The following JAK1 variants were observed in gnomAD, a reference collection of about 807,000 sequenced individuals.
JAK1 encodes the protein tyrosine-protein kinase JAK1.
In JAK1, 16 loss-of-function variants were observed where a neutral mutation model predicts 136.6. The observed-to-expected ratio is 0.12, with a 90% confidence interval of 0.08 to 0.18. The LOEUF is 0.18. JAK1 is among the 10% of genes least tolerant of loss of function. The probability of loss-of-function intolerance (pLI) is 1.00; values close to 1 mark genes in which losing one functional copy is unlikely to be tolerated. For synonymous variants in JAK1, 492 were observed against 519.5 expected, an observed-to-expected ratio of 0.95 and a Z score of 0.72; for missense variants, 859 against 1,450.1, an observed-to-expected ratio of 0.59 and a Z score of 6.62.
intron 1 of JAK1, among the ~76,000 whole-genome samples, chr1:65,055,344 T>C (rs1284323907): frequency 6.6e-6 from 1 of 152,234 alleles, no homozygotes; most frequent in Admixed American, 6.5e-5. Context: ...TCCTTCCTTT[T>C]AAGGCTGAAT....
intron 11 of JAK1, among the ~76,000 whole-genome samples, chr1:64,851,539 T>C (rs1655594893): frequency 6.6e-6 from 1 of 152,208 alleles, no homozygotes; most frequent in Non-Finnish European, 1.5e-5. Flanking sequence ...GTGCCTGACA[T>C]GGAGAGGCGC....
intron 1 of JAK1, among the ~76,000 whole-genome samples, chr1:64,912,656 C>T (rs1004967770): frequency 2.0e-5 from 3 of 152,220 alleles, no homozygotes; most frequent in Non-Finnish European, 4.4e-5. Flanking sequence ...GGACTACTCT[C>T]ATCCCCATTT....
At chr1:64,905,806 TC>T (rs761706349) in intron 1 of JAK1, among the ~76,000 whole-genome samples, 2 of 152,166 alleles carry the variant, frequency 1.3e-5, no homozygotes, top group Non-Finnish European at 2.9e-5. Flanking sequence ...TCTCACATGA[TC>T]CCTACAAACA....
intron 2 of JAK1, among the ~76,000 whole-genome samples, chr1:65,034,176 G>A (rs575324958): frequency 4.6e-5 from 7 of 152,176 alleles, no homozygotes; most frequent in Non-Finnish European, 1.0e-4. Flanking sequence ...TGAATATAAC[G>A]TATTTGATAA....
At chr1:64,964,168 T>C (rs1497056) in intron 1 of JAK1, among the ~76,000 whole-genome samples, 46,923 of 152,086 alleles carry the variant, frequency 0.31, 9,352 homozygotes, top group African/African-American at 0.56. Flanking sequence ...AAAATAATGG[T>C]TTTAAATGTG....
intron 2 of JAK1, among the ~76,000 whole-genome samples, chr1:64,975,109 T>C (rs574902133): frequency 6.6e-6 from 1 of 151,174 alleles, no homozygotes; most frequent in South Asian, 2.1e-4. Context: ...CCTTTTAGAA[T>C]CAGGGATCTC....
At chr1:65,001,681 G>T (rs904396941) in intron 2 of JAK1, among the ~76,000 whole-genome samples, 5 of 94,520 alleles carry the variant, frequency 5.3e-5, no homozygotes, top group African/African-American at 1.2e-4. Flanking sequence ...GTGTGTGTGG[G>T]GGGGGGGGTA....
chr1:65,008,162 C>A (rs528018143), intron 2 of JAK1, among the ~76,000 whole-genome samples: 1 of 152,074 alleles, frequency 6.6e-6, no homozygotes, highest in African/African-American at 2.4e-5. Flanking sequence ...GGAAGCCACC[C>A]GTATGGGATG....
chr1:65,000,231 C>T (rs1368629853), intron 2 of JAK1, among the ~76,000 whole-genome samples: 1 of 152,110 alleles, frequency 6.6e-6, no homozygotes, highest in East Asian at 1.9e-4. Flanking sequence ...TCATGATCCG[C>T]CCGCCTTGGC....
intron 2 of JAK1, among the ~76,000 whole-genome samples, chr1:64,976,858 C>A (rs962874533): frequency 6.6e-6 from 1 of 152,154 alleles, no homozygotes; most frequent in Admixed American, 6.5e-5. Flanking sequence ...CTTCTAAGAG[C>A]CACCCCACGA....
chr1:65,045,802 A>G (rs1202170529), intron 1 of JAK1, among the ~76,000 whole-genome samples: 1 of 152,208 alleles, frequency 6.6e-6, no homozygotes, highest in Non-Finnish European at 1.5e-5. Context: ...TGAAAATGGG[A>G]GCCTCAAATA....
chr1:65,048,508 G>A (rs1314176785), intron 1 of JAK1, among the ~76,000 whole-genome samples: 1 of 152,146 alleles, frequency 6.6e-6, no homozygotes, highest in Non-Finnish European at 1.5e-5. Context: ...GAACACACGA[G>A]GAAAACATAA....
intron 1 of JAK1, among the ~76,000 whole-genome samples, chr1:65,062,468 A>G (rs959571972): frequency 6.6e-6 from 1 of 152,212 alleles, no homozygotes; most frequent in Non-Finnish European, 1.5e-5. Context: ...TCAGATTTTC[A>G]AATTCCCTTA....
intron 7 of JAK1, among the ~76,000 whole-genome samples, chr1:64,865,828 T>G (rs1055858376): frequency 6.6e-6 from 1 of 152,200 alleles, no homozygotes; most frequent in Admixed American, 6.5e-5. Context: ...GGCAAGGTCA[T>G]GGCTCACTGT....
intron 1 of JAK1, among the ~76,000 whole-genome samples, chr1:65,061,463 G>A (rs1304512733): frequency 6.6e-6 from 1 of 152,062 alleles, no homozygotes; most frequent in African/African-American, 2.4e-5. Context: ...TATAAACTAA[G>A]ATGAAAATAT....
chr1:64,961,341 G>C (rs761275272), intron 1 of JAK1, among the ~76,000 whole-genome samples: 11 of 152,286 alleles, frequency 7.2e-5, no homozygotes, highest in African/African-American at 2.2e-4. Flanking sequence ...GGGATGGGGA[G>C]GAGAGAGTTG....
At chr1:64,889,960 G>C (rs754320586) in intron 1 of JAK1, among the ~76,000 whole-genome samples, 38 of 152,166 alleles carry the variant, frequency 2.5e-4, no homozygotes, top group Admixed American at 7.9e-4. Context: ...GGATATAAAA[G>C]AAACCATCAC....
intron 1 of JAK1, among the ~76,000 whole-genome samples, chr1:64,894,097 C>G (rs746652712): frequency 1.3e-5 from 2 of 152,146 alleles, no homozygotes; most frequent in Non-Finnish European, 2.9e-5. Context: ...AAGGGAAAGA[C>G]AGAAGGACAG....
At chr1:65,016,026 G>A (rs1646889447) in intron 2 of JAK1, among the ~76,000 whole-genome samples, 1 of 152,218 alleles carries the variant, frequency 6.6e-6, no homozygotes, top group Non-Finnish European at 1.5e-5. Flanking sequence ...GAGGAGTGAA[G>A]TTCTGATAGA....
Sources: gnomAD v4.1 joint callset for allele counts (sites outside exome capture counted in the v4.1 genomes callset) on GRCh38, gnomAD v4.1.1 for gene constraint, MANE v1.5 for transcripts, NCBI Gene and HGNC (gene_info 2026-07-23, HGNC 2026-07-21) for gene names.